Variants in PASD1 observed in about 807,000 individuals in gnomAD.
PASD1 encodes the protein circadian clock protein PASD1.
A neutral mutation model predicts 58.8 loss-of-function variants in PASD1; 13 were observed. The observed-to-expected ratio is 0.22, with a 90% CI of 0.14 to 0.35. PASD1 has a LOEUF of 0.35. PASD1 is among the 10% of genes least tolerant of loss of function. The probability of loss-of-function intolerance (pLI) is 1.00; values close to 1 mark genes in which losing one functional copy is unlikely to be tolerated. For missense variants in PASD1, 734 were observed against 568.3 expected, an observed-to-expected ratio of 1.29 and a Z score of -2.96; for synonymous variants, 236 against 216.7, an observed-to-expected ratio of 1.09 and a Z score of -0.78.
At chrX:151,669,197 C>G (rs1342400485) in intron 11 of PASD1, among the ~76,000 whole-genome samples, 1 of 103,931 alleles carries the variant, frequency 9.6e-6, no homozygotes, top group African/African-American at 3.5e-5. Context: ...TATATATACA[C>G]TATATAGTAT....
intron 11 of PASD1, among the ~76,000 whole-genome samples, chrX:151,668,533 C>A (rs1372817430): frequency 1.8e-5 from 2 of 110,817 alleles, no homozygotes; most frequent in Non-Finnish European, 3.8e-5. Flanking sequence ...GATATCACCG[C>A]CAATCCCACA....
Position 151,676,344 on chromosome X carries a change from C to A in PASD1, c.*201C>A. ...TTTCTTGGAAGTTATGCTGTAGAGG[C>A]AGCCTGTGATCCGTAGTATGCTAGG... On this transcript the variant is annotated 3_prime_UTR_variant, in exon 16 of 16. Coordinates refer to ENST00000370357, the MANE Select transcript of PASD1 (RefSeq NM_173493.3). 1 of 409,135 alleles carries A rather than the reference C, an allele frequency of 2.4e-6. No individual in the cohort carries two copies. Among genetic ancestry groups the A allele is most frequent in the Non-Finnish European group, 4.0e-6 (1 of 249,529 alleles). The allele number at this position is 409,135 out of a possible 1,213,427, so 33.7% of individuals were successfully genotyped here.
intron 1 of PASD1, among the ~76,000 whole-genome samples, chrX:151,586,839 C>T (rs781093701): frequency 1.6e-4 from 18 of 111,644 alleles, no homozygotes; most frequent in African/African-American, 5.9e-4. Context: ...TGCCCCTTGC[C>T]CTGAATCAGT....
intron 11 of PASD1, among the ~76,000 whole-genome samples, chrX:151,665,332 G>A (rs1254216806): frequency 8.9e-6 from 1 of 112,281 alleles, no homozygotes; most frequent in Non-Finnish European, 1.9e-5. Flanking sequence ...CTGTTGACAG[G>A]TTTATCTTCT....
intron 1 of PASD1, among the ~76,000 whole-genome samples, chrX:151,587,603 C>T (rs763459401): frequency 4.6e-4 from 11 of 23,931 alleles, no homozygotes; most frequent in Non-Finnish European, 2.4e-3. Context: ...GCTTGGATTC[C>T]CTCACAACGT....
chrX:151,623,046 C>T lies in PASD1; in HGVS notation c.528C>T (p.Leu176=). 8.3e-7 allele frequency: 1 copy of T among 1,210,039 alleles called. No homozygotes were observed. Among genetic ancestry groups the T allele is most frequent in the South Asian group, 1.8e-5 (1 of 56,729 alleles). The stretch of plus-strand genomic sequence containing the variant: ...ATCTTGTGGGAAATGTTTGCATTCT[C>T]AGGACTCAGCTCCTGCAGGTGGGTA... ...RLYLVGNVCI[L]RTQLLQQLYT... is the part of the protein sequence containing the mutation. Residue 176 remains leucine, a synonymous_variant, in exon 7 of 16, where the codon CTC becomes CTT. Coordinates refer to ENST00000370357, the MANE Select transcript of PASD1 (RefSeq NM_173493.3).
rs755035565 is a variant in PASD1 at position 151,673,943 on chromosome X, G to A, written c.1932G>A (p.Ala644=). The A allele has an allele frequency of 4.2e-5, 51 of 1,209,509 alleles. No homozygotes were observed. Among genetic ancestry groups the A allele is most frequent in the South Asian group, 3.0e-4 (17 of 56,735 alleles). ...TCTCTTACAGTTTTTATCCTGAGGCGTATCAAGGGCCCCCCGTGAACCAGC... is the reference window on the plus strand; with the variant it reads ...TCTCTTACAGTTTTTATCCTGAGGCATATCAAGGGCCCCCCGTGAACCAGC... ...EDESQSFYPE[A]YQGPPVNQLP... is the part of the protein sequence containing the mutation. Residue 644 remains alanine, a synonymous_variant, in exon 15 of 16, where the codon GCG becomes GCA. Coordinates refer to ENST00000370357, the MANE Select transcript of PASD1 (RefSeq NM_173493.3).
Position 151,653,868 on chromosome X carries a change from CTCTTTCTTTCTT to C in PASD1, c.717+5228_717+5239del, listed in dbSNP as rs1222060384. 5.7e-3 allele frequency among the ~76,000 whole-genome samples: 93 copies of C among 16,432 alleles called. 1 individual carries two copies. The highest frequency in any genetic ancestry group is 0.012 in the African/African-American group (53 of 4,573). 14.3% of individuals were successfully genotyped at this position (16,432 alleles called of 115,157 possible). ...CTTCCCTCCCTCCCTCCCTCCCTCC[CTCTTTCTTTCTT>C]TCTTTCTTTCTTTCTTTCTTTCTTT... On this transcript the variant is annotated intron_variant, in intron 9 of 15. Coordinates refer to ENST00000370357, the MANE Select transcript of PASD1 (RefSeq NM_173493.3).
chrX:151,637,138 T>C (rs1198268455), intron 8 of PASD1, among the ~76,000 whole-genome samples: 1 of 112,562 alleles, frequency 8.9e-6, no homozygotes, highest in East Asian at 2.8e-4. Flanking sequence ...TTATTTCACC[T>C]GCTGAAGGAC....
At chrX:151,620,495 G>A (rs1482766833) in intron 4 of PASD1, among the ~76,000 whole-genome samples, 1 of 110,474 alleles carries the variant, frequency 9.1e-6, no homozygotes, top group African/African-American at 3.3e-5. Flanking sequence ...AGGAAGGCTC[G>A]GGGGTCGGAG....
intron 1 of PASD1, among the ~76,000 whole-genome samples, chrX:151,572,421 C>T (rs1483312032): frequency 8.9e-6 from 1 of 111,765 alleles, no homozygotes; most frequent in Non-Finnish European, 1.9e-5. Flanking sequence ...GTAGAACCCG[C>T]TGTCCTGGAA....
chrX:151,612,268 A>G (rs2013574414), intron 4 of PASD1, among the ~76,000 whole-genome samples: 1 of 99,110 alleles, frequency 1.0e-5, no homozygotes, highest in African/African-American at 3.8e-5. Context: ...ATAGTGCCAC[A>G]GTAAACATAC....
intron 3 of PASD1, among the ~76,000 whole-genome samples, chrX:151,608,827 T>C (rs1027213749): frequency 2.7e-5 from 3 of 111,621 alleles, no homozygotes; most frequent in African/African-American, 9.7e-5. Flanking sequence ...TTTTAAGACT[T>C]GCTTTCAAAT....
rs1223440980 is a variant in PASD1, at chrX:151,637,247, G to A, written c.630-11368G>A. Among the ~76,000 whole-genome samples, 3 of 112,472 alleles carry A rather than the reference G, an allele frequency of 2.7e-5. No individual in the cohort carries two copies. The East Asian group carries it at 8.3e-4, about 31-fold the overall frequency. On this transcript the variant is annotated intron_variant, in intron 8 of 15. Coordinates refer to ENST00000370357, the MANE Select transcript of PASD1 (RefSeq NM_173493.3). Reference sequence around the variant, plus strand: ...TGTTTTCATTTCTCTAGGGTAGATAGGAATAGAATTGTTAGTACATACAGT... The same window carrying A: ...TGTTTTCATTTCTCTAGGGTAGATAAGAATAGAATTGTTAGTACATACAGT...
chrX:151,647,486 AT>A (rs2014074641), intron 8 of PASD1, among the ~76,000 whole-genome samples: 1 of 109,518 alleles, frequency 9.1e-6, no homozygotes, highest in Non-Finnish European at 1.9e-5. Context: ...CATATTTTAT[AT>A]TTTAATTAAA....
chrX:151,653,915 TTTC>T, intron 9 of PASD1, among the ~76,000 whole-genome samples: 1 of 72,627 alleles, frequency 1.4e-5, no homozygotes, highest in African/African-American at 5.2e-5. Context: ...TCTTTCTTTC[TTTC>T]TTTCTTTCTT....
intron 1 of PASD1, among the ~76,000 whole-genome samples, chrX:151,580,311 T>A (rs979735560): frequency 8.9e-6 from 1 of 111,798 alleles, no homozygotes; most frequent in East Asian, 2.8e-4. Flanking sequence ...TAATGTTAAA[T>A]GAATAAGTGG....
At chrX:151,650,385 A>T (rs1400588004) in intron 9 of PASD1, among the ~76,000 whole-genome samples, 2 of 93,297 alleles carry the variant, frequency 2.1e-5, no homozygotes, top group Non-Finnish European at 4.6e-5. Context: ...TGGGCTGTTT[A>T]AAAAAAAAAA....
At chrX:151,566,806 C>T in intron 1 of PASD1, among the ~76,000 whole-genome samples, 1 of 110,764 alleles carries the variant, frequency 9.0e-6, no homozygotes, top group East Asian at 2.8e-4. Flanking sequence ...GTGGCTCATG[C>T]CTGTAATCCC....
Sources: gnomAD v4.1 joint callset for allele counts (sites outside exome capture counted in the v4.1 genomes callset) on GRCh38, gnomAD v4.1.1 for gene constraint, MANE v1.5 for transcripts, NCBI Gene and HGNC (gene_info 2026-07-23, HGNC 2026-07-21) for gene names.